SEMA5B: variants seen among roughly 807,000 people sequenced by gnomAD.
The protein encoded by SEMA5B is semaphorin 5B, also known as semaphorin-5B.
Under a neutral mutation model 135.0 loss-of-function variants are expected in SEMA5B, and 66 were observed. The ratio of observed to expected loss-of-function variants is 0.49; its 90% CI spans 0.40 to 0.60. The LOEUF is 0.60. Among genes scored for constraint, SEMA5B ranks in the 20% least tolerant of loss-of-function variants. SEMA5B has a pLI of 0.00. For missense variants in SEMA5B, 1,501 were observed against 1,566.3 expected (o/e 0.96, Z 0.70); for synonymous variants, 690 against 639.5 (o/e 1.08, Z -1.19).
Position 122,922,050 on chromosome 3 carries a change from T to A in SEMA5B, c.1553A>T (p.His518Leu), listed in dbSNP as rs1938379967. 2 of 1,495,850 alleles carry A rather than the reference T, an allele frequency of 1.3e-6. No individual in the cohort carries two copies. The highest frequency in any genetic ancestry group is 2.8e-5 in the African/African-American group (2 of 71,940). 92.7% of individuals were successfully genotyped at this position (1,495,850 alleles called of 1,614,324 possible). A position where few individuals can be genotyped will look rare whatever the true frequency, so the allele number is the denominator to read the frequency against. Residue 518 changes from histidine (H) to leucine (L), a missense_variant, in exon 12 of 23, where the codon CAC (histidine) becomes CTC (leucine). By Grantham distance (99) the His-to-Leu change is moderately conservative (BLOSUM62 -3). Coordinates refer to ENST00000357599, the MANE Select transcript of SEMA5B (RefSeq NM_001031702.4). The part of the protein sequence containing the change: ...SLHGCYLEEL[H>L]VLPPGRREPL... ...CTCGCGGCGCCCGGGGGGCAGCACG[T>A]GCAGCTCCTCCAGGTAGCAGCCGTG...
chr3:122,945,713 G>A (rs1193082829), intron 3 of SEMA5B, among the ~76,000 whole-genome samples: 5 of 152,076 alleles, frequency 3.3e-5, no homozygotes, highest in African/African-American at 7.2e-5. Context: ...GTGGCATGAC[G>A]GGTCTGCAGT....
chr3:122,972,785 T>C (rs1322322376), intron 1 of SEMA5B, among the ~76,000 whole-genome samples: 1 of 152,182 alleles, frequency 6.6e-6, no homozygotes, highest in African/African-American at 2.4e-5. Context: ...CCCTGTGAAG[T>C]CTGCAGAAGG....
At position 123,026,924 on chromosome 3, in the gene SEMA5B, G is replaced by A. The variant is rs527432450; in HGVS notation, c.-39+540C>T. 2.6e-4 allele frequency among the ~76,000 whole-genome samples: 40 copies of A among 152,316 alleles called. No homozygotes were observed. The South Asian group carries it at 6.2e-3, about 24-fold the overall frequency. On this transcript the variant is annotated intron_variant, in intron 1 of 22. Coordinates refer to ENST00000357599, the MANE Select transcript of SEMA5B (RefSeq NM_001031702.4). ...TCAGGGCAAGAGTGTCCTGGAGGCG[G>A]GTCTGGGAAGAATCCGGGCGGCGGC...
At chr3:122,943,599 C>A in intron 3 of SEMA5B, 64 bp from the exon 4 acceptor site, 1 of 1,220,766 alleles carries the variant, frequency 8.2e-7, no homozygotes, top group Non-Finnish European at 1.2e-6. Context: ...TGCATCGCAG[C>A]AGACCACAGA....
intron 5 of SEMA5B, among the ~76,000 whole-genome samples, chr3:122,935,671 TC>T (rs1351189437): frequency 8.0e-5 from 11 of 138,132 alleles, no homozygotes; most frequent in East Asian, 2.1e-4. Flanking sequence ...CACTTTTTTT[TC>T]TTTTTCTTTC....
At chr3:122,991,866 C>T (rs1370175240) in intron 1 of SEMA5B, among the ~76,000 whole-genome samples, 1 of 152,080 alleles carries the variant, frequency 6.6e-6, no homozygotes, top group Non-Finnish European at 1.5e-5. Flanking sequence ...TAAGCAAAGA[C>T]CATACTATCA....
At chr3:123,015,427 C>T (rs570222491) in intron 1 of SEMA5B, among the ~76,000 whole-genome samples, 6 of 152,254 alleles carry the variant, frequency 3.9e-5, no homozygotes, top group South Asian at 2.1e-4. Flanking sequence ...GCTAAGCATA[C>T]GGGTATGCTG....
intron 1 of SEMA5B, among the ~76,000 whole-genome samples, chr3:123,010,478 G>T (rs1001836790): frequency 3.3e-5 from 5 of 152,094 alleles, no homozygotes; most frequent in Non-Finnish European, 7.4e-5. Flanking sequence ...AGTAAATGAG[G>T]ATGCAGATGT....
At chr3:122,943,346 C>T in intron 4 of SEMA5B, 90 bp downstream of exon 4, 1 of 869,810 alleles carries the variant, frequency 1.1e-6, no homozygotes, top group Non-Finnish European at 1.8e-6. Context: ...GCACGCGGGG[C>T]TGCCCAGGTG....
At position 122,966,617 on chromosome 3, in the gene SEMA5B, T is replaced by G. The variant is rs9289212; in HGVS notation, c.-38-5316A>C. Among the ~76,000 whole-genome samples the G allele has an allele frequency of 3.3e-4, 49 of 149,322 alleles. 1 individual carries two copies. Among genetic ancestry groups the G allele is most frequent in the South Asian group, 2.7e-3 (13 of 4,746 alleles). On this transcript the variant is annotated intron_variant, in intron 1 of 22. Transcript: ENST00000357599. ...TCACCCAGGCTGGAGTGCAGTGGCG[T>G]GATCTCAGCTCACTGCAAGCTCCGC...
At chr3:122,997,533 CA>C (rs1332446991) in intron 1 of SEMA5B, among the ~76,000 whole-genome samples, 1 of 152,122 alleles carries the variant, frequency 6.6e-6, no homozygotes, top group African/African-American at 2.4e-5. Flanking sequence ...CCCCCGTCTC[CA>C]CCAGGGCATG....
At chr3:122,933,837 T>A (rs1939104631) in intron 5 of SEMA5B, among the ~76,000 whole-genome samples, 1 of 152,112 alleles carries the variant, frequency 6.6e-6, no homozygotes, top group South Asian at 2.1e-4. Context: ...TTTCCATATT[T>A]TAAGTTTATT....
At chr3:122,921,291 C>G (rs911285446) in intron 12 of SEMA5B, among the ~76,000 whole-genome samples, 4 of 152,182 alleles carry the variant, frequency 2.6e-5, no homozygotes, top group Non-Finnish European at 5.9e-5. Context: ...TTGGAATAGG[C>G]TTTGGTTTCC....
chr3:122,973,502 G>C (rs973109465), intron 1 of SEMA5B, among the ~76,000 whole-genome samples: 1 of 152,236 alleles, frequency 6.6e-6, no homozygotes, highest in Non-Finnish European at 1.5e-5. Flanking sequence ...GTGAGGAGGG[G>C]TGGAACGTCA....
intron 1 of SEMA5B, among the ~76,000 whole-genome samples, chr3:122,995,695 T>TG (rs1169098894): frequency 1.3e-5 from 2 of 152,160 alleles, no homozygotes. Flanking sequence ...AGATCATGGC[T>TG]GGGGGGCCAG....
At position 122,910,944 on chromosome 3, in the gene SEMA5B, G is replaced by A. The variant is rs760335291; in HGVS notation, c.3193C>T (p.Gln1065Ter). 6.2e-7 allele frequency: 1 copy of A among 1,613,792 alleles called. No individual in the cohort carries two copies. The highest frequency in any genetic ancestry group is 1.3e-5 in the African/African-American group (1 of 74,918). ...VYLSCQHCQR[Q>*]SQESTLVHPA... The stretch of plus-strand genomic sequence containing the variant: ...TGGACCAGTGTGGACTCCTGGGACT[G>A]ACGCTGGCAGTGCTGGCAAGACAGG... Residue 1065 changes from glutamine (Q) to a stop codon, truncating the protein, a stop_gained, in exon 22 of 23, where the codon CAG becomes TAG. Coordinates refer to ENST00000357599, the MANE Select transcript of SEMA5B (RefSeq NM_001031702.4). LOFTEE classifies it high-confidence loss of function.
chr3:123,000,829 C>T (rs763780230), intron 1 of SEMA5B, among the ~76,000 whole-genome samples: 13 of 152,182 alleles, frequency 8.5e-5, no homozygotes, highest in Non-Finnish European at 1.8e-4. Context: ...AATAGGGTAC[C>T]CCAGTCACCT....
intron 1 of SEMA5B, among the ~76,000 whole-genome samples, chr3:123,026,169 G>A (rs1265104332): frequency 6.6e-6 from 1 of 152,184 alleles, no homozygotes; most frequent in Non-Finnish European, 1.5e-5. Context: ...GGAAAAAGAT[G>A]GGGTTAGGGC....
At chr3:123,004,538 C>A (rs187310861) in intron 1 of SEMA5B, among the ~76,000 whole-genome samples, 2 of 152,260 alleles carry the variant, frequency 1.3e-5, no homozygotes. Context: ...TATAGAGAAC[C>A]ACAAACACAA....
Sources: gnomAD v4.1 joint callset for allele counts (sites outside exome capture counted in the v4.1 genomes callset) on GRCh38, gnomAD v4.1.1 for gene constraint, MANE v1.5 for transcripts, NCBI Gene and HGNC (gene_info 2026-07-23, HGNC 2026-07-21) for gene names.